The following TKTL1 variants were observed in gnomAD, a reference collection of about 807,000 sequenced individuals.
TKTL1 encodes the protein transketolase-like protein 1.
In TKTL1, 1 loss-of-function variant was observed where a neutral mutation model predicts 39.3. The ratio of observed to expected loss-of-function variants is 0.03; its 90% CI spans 0.01 to 0.12. The LOEUF (loss-of-function observed/expected upper bound fraction) is 0.12. Ranked by LOEUF, TKTL1 falls within the 10% of genes least tolerant of loss-of-function variation. The probability of loss-of-function intolerance (pLI) is 1.00; values close to 1 mark genes in which losing one functional copy is unlikely to be tolerated. For synonymous variants in TKTL1, 262 were observed against 193.8 expected, an observed-to-expected ratio of 1.35 and a Z score of -2.92; for missense variants, 575 against 509.6, an observed-to-expected ratio of 1.13 and a Z score of -1.24.
At chrX:154,327,287 C>G (rs1428896966) in intron 10 of TKTL1, 1 of 458,763 alleles carries the variant, frequency 2.2e-6, no homozygotes, top group Non-Finnish European at 4.2e-6. Context: ...TTGCCAATGC[C>G]CAGAATGTTC....
At chrX:154,322,158 A>C (rs1374144645) in intron 8 of TKTL1, among the ~76,000 whole-genome samples, 7 of 100,981 alleles carry the variant, frequency 6.9e-5, no homozygotes, top group Non-Finnish European at 8.0e-5. Context: ...GCTTGAACCC[A>C]GGAGGCAGAG....
chrX:154,319,571 C>T (rs2283761), intron 7 of TKTL1, among the ~76,000 whole-genome samples: 4 of 110,149 alleles, frequency 3.6e-5, no homozygotes, highest in African/African-American at 1.3e-4. Context: ...AAACCTCGTC[C>T]CTACTAAAAA....
intron 7 of TKTL1, among the ~76,000 whole-genome samples, chrX:154,316,708 C>T (rs891896550): frequency 3.6e-5 from 4 of 110,837 alleles, no homozygotes; most frequent in South Asian, 3.8e-4. Flanking sequence ...CCCACAGCTC[C>T]CCATGCTCTG....
intron 1 of TKTL1, among the ~76,000 whole-genome samples, chrX:154,301,300 T>G (rs2067271609): frequency 1.8e-5 from 2 of 110,091 alleles, no homozygotes; most frequent in South Asian, 7.9e-4. Context: ...GTGGATCACC[T>G]GAGGTCAGGA....
In TKTL1 at chrX:154,329,694, C is replaced by G; in HGVS notation, c.*6C>G. 1 of 1,206,690 alleles carries G rather than the reference C, an allele frequency of 8.3e-7. No homozygotes were observed. Among genetic ancestry groups the G allele is most frequent in the Non-Finnish European group, 1.1e-6 (1 of 891,423 alleles). ...AATGCATGTTGCTGAACTAAAATAG[C>G]TGTTAGCTTTGGTCTTTTGGCCTCT... On this transcript the variant is annotated 3_prime_UTR_variant, in exon 13 of 13. Coordinates refer to ENST00000369915, the MANE Select transcript of TKTL1 (RefSeq NM_012253.4).
Position 154,329,524 on chromosome X carries a change from G to C in TKTL1, c.1627G>C (p.Gly543Arg). The C allele has an allele frequency of 8.3e-7, 1 of 1,211,148 alleles. No individual in the cohort carries two copies. Among genetic ancestry groups the C allele is most frequent in the Non-Finnish European group, 1.1e-6 (1 of 894,939 alleles). The change falls in exon 13 of 13, where the codon GGG becomes CGG. Residue 543 changes from glycine (G) to arginine (R), a missense_variant. Gly to Arg is a moderately radical substitution (Grantham distance 125, BLOSUM62 -2). Coordinates refer to ENST00000369915, the MANE Select transcript of TKTL1 (RefSeq NM_012253.4). ...CATCCTTGTTTCCCCAGGTGGCATC[G>C]GGGAAGCTGTCTGCGCAGCCGTCTC... The part of the protein sequence containing the change: ...VEDHYPQGGI[G>R]EAVCAAVSMD...
intron 2 of TKTL1, among the ~76,000 whole-genome samples, chrX:154,308,123 A>G (rs1449876610): frequency 8.9e-6 from 1 of 111,870 alleles, no homozygotes; most frequent in Non-Finnish European, 1.9e-5. Context: ...AAGTCAATAG[A>G]TGGAGTGTCA....
chrX:154,311,471 G>C (rs1259576311), intron 5 of TKTL1, among the ~76,000 whole-genome samples: 1 of 112,209 alleles, frequency 8.9e-6, no homozygotes, highest in Non-Finnish European at 1.9e-5. Context: ...GCCTGCACAA[G>C]GGAGTGGCTA....
At chrX:154,297,235 G>C (rs1465047643) in intron 1 of TKTL1, among the ~76,000 whole-genome samples, 1 of 106,032 alleles carries the variant, frequency 9.4e-6, no homozygotes, top group Non-Finnish European at 1.9e-5. Flanking sequence ...AGGGATATTG[G>C]TCTACAGGTT....
intron 1 of TKTL1, among the ~76,000 whole-genome samples, chrX:154,299,247 C>T (rs1413935375): frequency 9.6e-6 from 1 of 104,126 alleles, no homozygotes; most frequent in Admixed American, 1.0e-4. Context: ...CCTCTGCCTC[C>T]CAGGTTCAAG....
Position 154,312,989 on chromosome X carries a change from GGATA to G in TKTL1, c.864+221_864+224del, listed in dbSNP as rs782466008. On this transcript the variant is annotated intron_variant, in intron 6 of 12. Coordinates refer to ENST00000369915, the MANE Select transcript of TKTL1 (RefSeq NM_012253.4). ...GGTCCAAAGTGCAGCTGTGTCACGTGGATAGATACTGTGTAGTGGTGAGGTCTGG... is the reference window on the plus strand; with the variant it reads ...GGTCCAAAGTGCAGCTGTGTCACGTGGATACTGTGTAGTGGTGAGGTCTGG... Among the ~76,000 whole-genome samples the G allele has an allele frequency of 1.3e-3, 144 of 111,952 alleles. 1 individual carries two copies. The highest frequency in any genetic ancestry group is 4.5e-3 in the African/African-American group (138 of 30,808).
chrX:154,328,455 A>G (rs2067510320), intron 12 of TKTL1, among the ~76,000 whole-genome samples: 1 of 98,857 alleles, frequency 1.0e-5, no homozygotes, highest in African/African-American at 3.6e-5. Flanking sequence ...TTGAGGCAGG[A>G]GAATCACTTG....
rs782533792 is a variant in TKTL1 at position 154,312,928 on chromosome X, AAG to A, written c.864+160_864+161del. On this transcript the variant is annotated intron_variant, in intron 6 of 12. Coordinates refer to ENST00000369915, the MANE Select transcript of TKTL1 (RefSeq NM_012253.4). ...TGTAACTAACAGTTCGTAGGCAATA[AAG>A]AGAGGTTTGCCATTTTTAAAAAATA... Among the ~76,000 whole-genome samples, 3 of 112,169 alleles carry A rather than the reference AAG, an allele frequency of 2.7e-5. No individual in the cohort carries two copies. The East Asian group carries it at 8.3e-4, about 31-fold the overall frequency.
chrX:154,300,179 C>A (rs187090924), intron 1 of TKTL1, among the ~76,000 whole-genome samples: 1 of 111,195 alleles, frequency 9.0e-6, no homozygotes, highest in Non-Finnish European at 1.9e-5. Flanking sequence ...CCACTGCCAG[C>A]TAATTTTTGT....
At chrX:154,306,684 T>A (rs1483086136) in intron 2 of TKTL1, among the ~76,000 whole-genome samples, 1 of 110,734 alleles carries the variant, frequency 9.0e-6, no homozygotes, top group Non-Finnish European at 1.9e-5. Flanking sequence ...TTGCCCAGGC[T>A]TGAGTGCAGT....
Position 154,329,779 on chromosome X carries a change from T to C in TKTL1, c.*91T>C. On this transcript the variant is annotated 3_prime_UTR_variant, in exon 13 of 13. Transcript: ENST00000369915. ...TTTAAATCTCTACTGTCACATTTTG[T>C]TTCTTAAAAGCAAAGCCAGCTAACA... 1 of 1,063,384 alleles carries C rather than the reference T, an allele frequency of 9.4e-7. No homozygotes were observed. The highest frequency in any genetic ancestry group is 1.3e-6 in the Non-Finnish European group (1 of 783,235). 87.6% of individuals were successfully genotyped at this position (1,063,384 alleles called of 1,213,427 possible).
intron 8 of TKTL1, among the ~76,000 whole-genome samples, chrX:154,322,582 G>T (rs2067460384): frequency 9.0e-6 from 1 of 111,525 alleles, no homozygotes; most frequent in African/African-American, 3.3e-5. Flanking sequence ...GTTGAGGTTA[G>T]ACAGTGGTCC....
At position 154,295,877 on chromosome X, in the gene TKTL1, G is replaced by A. The variant is rs149633403; in HGVS notation, c.18G>A (p.Ala6=). The A allele has an allele frequency of 3.4e-5, 41 of 1,210,095 alleles. No individual in the cohort carries two copies. The highest frequency in any genetic ancestry group is 1.5e-4 in the Admixed American group (7 of 45,772). Residue 6 remains alanine (A), a synonymous_variant, in exon 1 of 13, where the codon GCG becomes GCA. Transcript: ENST00000369915. MADAE[A]RAEFPEEARP... is the part of the protein sequence containing the mutation. Reference sequence around the variant, plus strand: ...TTGGACTAATGGCGGATGCTGAGGCGAGGGCTGAGTTCCCGGAGGAGGCCA... The same window carrying A: ...TTGGACTAATGGCGGATGCTGAGGCAAGGGCTGAGTTCCCGGAGGAGGCCA...
chrX:154,326,203 A>G (rs1300136749), intron 10 of TKTL1, among the ~76,000 whole-genome samples: 1 of 111,699 alleles, frequency 9.0e-6, no homozygotes, highest in African/African-American at 3.3e-5. Flanking sequence ...TACCAAGACC[A>G]GAATCCAGGC....
Sources: gnomAD v4.1 joint callset for allele counts (sites outside exome capture counted in the v4.1 genomes callset) on GRCh38, gnomAD v4.1.1 for gene constraint, MANE v1.5 for transcripts, NCBI Gene and HGNC (gene_info 2026-07-23, HGNC 2026-07-21) for gene names.